Variants in BMPR1B observed in about 807,000 individuals in gnomAD.
BMPR1B encodes the protein bone morphogenetic protein receptor type 1B, also known as bone morphogenetic protein receptor type-1B.
Under a neutral mutation model 59.1 loss-of-function variants are expected in BMPR1B, and 12 were observed. The ratio of observed to expected loss-of-function variants is 0.20; its 90% confidence interval spans 0.13 to 0.33. The LOEUF is 0.33. Among genes scored for constraint, BMPR1B ranks in the 10% least tolerant of loss-of-function variants. BMPR1B has a pLI of 1.00. For missense variants in BMPR1B, 550 were observed against 610.9 expected, an observed-to-expected ratio of 0.90 and a Z score of 1.05; for synonymous variants, 237 against 207.3, an observed-to-expected ratio of 1.14 and a Z score of -1.23.
intron 2 of BMPR1B, among the ~76,000 whole-genome samples, chr4:94,916,946 A>G (rs1728504274): frequency 6.6e-6 from 1 of 152,202 alleles, no homozygotes; most frequent in Admixed American, 6.5e-5. Context: ...ATTGCTCCCT[A>G]TATCCTGGCT....
intron 1 of BMPR1B, among the ~76,000 whole-genome samples, chr4:94,818,813 A>G (rs1174666699): frequency 1.3e-5 from 2 of 152,128 alleles, no homozygotes; most frequent in Non-Finnish European, 2.9e-5. Context: ...GTGGATGTAT[A>G]GAAAAGAATA....
At chr4:94,806,122 C>T (rs1238002010) in intron 1 of BMPR1B, among the ~76,000 whole-genome samples, 1 of 152,090 alleles carries the variant, frequency 6.6e-6, no homozygotes, top group Non-Finnish European at 1.5e-5. Flanking sequence ...TTCGATTTAG[C>T]TTTAATTCAA....
At chr4:94,790,419 T>C (rs1318034636) in intron 1 of BMPR1B, among the ~76,000 whole-genome samples, 1 of 152,192 alleles carries the variant, frequency 6.6e-6, no homozygotes, top group Admixed American at 6.5e-5. Context: ...GGGGGATACC[T>C]TGCTGGGTGG....
At chr4:94,901,269 T>G (rs1019732077) in intron 2 of BMPR1B, among the ~76,000 whole-genome samples, 1 of 151,956 alleles carries the variant, frequency 6.6e-6, no homozygotes, top group Non-Finnish European at 1.5e-5. Flanking sequence ...ATCGAAAATA[T>G]CAGAATGCCT....
intron 11 of BMPR1B, among the ~76,000 whole-genome samples, chr4:95,151,997 ATTTCT>A (rs1735080645): frequency 6.6e-6 from 1 of 152,168 alleles, no homozygotes; most frequent in African/African-American, 2.4e-5. Flanking sequence ...ATAGATTTAT[ATTTCT>A]TTTCTTTTAA....
At chr4:95,100,491 G>T (rs1225905164) in intron 3 of BMPR1B, among the ~76,000 whole-genome samples, 1 of 151,808 alleles carries the variant, frequency 6.6e-6, no homozygotes, top group African/African-American at 2.4e-5. Flanking sequence ...AAAAAATTAG[G>T]GTGTCTGTTT....
intron 1 of BMPR1B, among the ~76,000 whole-genome samples, chr4:94,817,240 T>TA (rs754755922): frequency 6.6e-6 from 1 of 152,330 alleles, no homozygotes; most frequent in South Asian, 2.1e-4. Flanking sequence ...GGTATTTTGT[T>TA]ATAGCAGCAT....
intron 3 of BMPR1B, among the ~76,000 whole-genome samples, chr4:95,051,951 A>G (rs940277960): frequency 1.3e-5 from 2 of 152,174 alleles, no homozygotes; most frequent in Non-Finnish European, 2.9e-5. Context: ...AAGGCTTTCT[A>G]AGTACTCTGT....
intron 3 of BMPR1B, among the ~76,000 whole-genome samples, chr4:95,006,172 G>T (rs1410236540): frequency 6.6e-6 from 1 of 152,032 alleles, no homozygotes; most frequent in African/African-American, 2.4e-5. Flanking sequence ...TGGGGAGGCT[G>T]AGGCGGGAGT....
At chr4:95,126,622 T>A (rs1466298057) in intron 8 of BMPR1B, among the ~76,000 whole-genome samples, 1 of 152,168 alleles carries the variant, frequency 6.6e-6, no homozygotes, top group Non-Finnish European at 1.5e-5. Flanking sequence ...TGATCTGTGC[T>A]CTTAACATTA....
At chr4:95,032,058 C>G (rs934389763) in intron 3 of BMPR1B, among the ~76,000 whole-genome samples, 3 of 152,118 alleles carry the variant, frequency 2.0e-5, no homozygotes, top group Non-Finnish European at 4.4e-5. Flanking sequence ...AGCTAAAACT[C>G]TTAGTCTACT....
At chr4:94,947,067 A>C (rs1358072820) in intron 2 of BMPR1B, among the ~76,000 whole-genome samples, 1 of 151,840 alleles carries the variant, frequency 6.6e-6, no homozygotes, top group Non-Finnish European at 1.5e-5. Flanking sequence ...ATACAAACAA[A>C]CCCCCCAAAA....
At chr4:95,043,181 C>CGAAAAA (rs1725787390) in intron 3 of BMPR1B, among the ~76,000 whole-genome samples, 1 of 51,438 alleles carries the variant, frequency 1.9e-5, no homozygotes, top group African/African-American at 9.1e-5. Flanking sequence ...GACTCCGTCT[C>CGAAAAA]AAAAAAAAAA....
intron 1 of BMPR1B, among the ~76,000 whole-genome samples, chr4:94,847,927 A>G (rs976932929): frequency 7.2e-5 from 11 of 152,110 alleles, no homozygotes; most frequent in Non-Finnish European, 1.5e-4. Context: ...GTATAATTGG[A>G]TTTTTTGTAA....
chr4:95,125,569 A>G (rs909688883), intron 8 of BMPR1B, among the ~76,000 whole-genome samples: 8 of 152,114 alleles, frequency 5.3e-5, no homozygotes, highest in African/African-American at 1.9e-4. Context: ...GAGAAGCTTC[A>G]TTTTCTGATG....
In BMPR1B at chr4:94,826,877, A is replaced by G. The variant is rs1395265951; in HGVS notation, c.-182-48954A>G. On this transcript the variant is annotated intron_variant, in intron 1 of 12. Coordinates refer to ENST00000515059, the MANE Select transcript of BMPR1B (RefSeq NM_001203.3). ...ACAGTTTTGCCAATAAAATGTAGGA[A>G]TTAAAATATAGTAACTTTGCCAAAC... Among the ~76,000 whole-genome samples, 5 of 152,218 alleles carry G rather than the reference A, an allele frequency of 3.3e-5. No homozygotes were observed. The East Asian group carries it at 7.7e-4, about 23-fold the overall frequency.
rs117864836 is a variant in BMPR1B at position 94,935,872 on chromosome 4, G to T, written c.-113+59972G>T. Among the ~76,000 whole-genome samples, 210 of 152,316 alleles carry T rather than the reference G, an allele frequency of 1.4e-3. 4 individuals carry two copies. In the East Asian group the frequency reaches 0.03, roughly 22 times the overall value. ...TGGGCATATGATTTCAGGGGAAAAT[G>T]CCTTATCTTTCTAAAGTTATGTTGC... On this transcript the variant is annotated intron_variant, in intron 2 of 12. Transcript: ENST00000515059.
chr4:95,062,433 A>G (rs1402913153), intron 3 of BMPR1B, among the ~76,000 whole-genome samples: 1 of 152,216 alleles, frequency 6.6e-6, no homozygotes, highest in East Asian at 1.9e-4. Flanking sequence ...GTTCTGACCT[A>G]AAATATCTCA....
At chr4:95,102,575 T>C (rs1579081543) in intron 3 of BMPR1B, among the ~76,000 whole-genome samples, 1 of 152,140 alleles carries the variant, frequency 6.6e-6, no homozygotes, top group Non-Finnish European at 1.5e-5. Flanking sequence ...GGCAGTAACA[T>C]TGAGAACCAG....
Sources: allele counts gnomAD v4.1 joint callset (sites outside exome capture counted in the v4.1 genomes callset), GRCh38; gene constraint gnomAD v4.1.1; transcripts MANE v1.5; gene names NCBI Gene and HGNC (gene_info 2026-07-23, HGNC 2026-07-21).